The following AGXT2 variants were observed in gnomAD, a reference collection of about 807,000 sequenced individuals.
AGXT2 encodes alanine--glyoxylate aminotransferase 2, mitochondrial.
In AGXT2, 61 loss-of-function variants were observed where a neutral mutation model predicts 62.5. The ratio of observed to expected loss-of-function variants is 0.98; its 90% CI spans 0.79 to 1.21. The LOEUF is 1.21. Ranked by LOEUF, AGXT2 falls within the 50% of genes most tolerant of loss-of-function variation. The probability of loss-of-function intolerance (pLI) is 0.00; values close to 1 mark genes in which losing one functional copy is unlikely to be tolerated. For synonymous variants in AGXT2, 243 were observed against 218.7 expected, an observed-to-expected ratio of 1.11 and a Z score of -0.98; for missense variants, 666 against 641.5, an observed-to-expected ratio of 1.04 and a Z score of -0.41.
chr5:35,012,770 C>A (rs1292400104), intron 11 of AGXT2, 184 bp downstream of exon 11: 1 of 650,610 alleles, frequency 1.5e-6, no homozygotes, highest in African/African-American at 1.8e-5. Flanking sequence ...ACTTTCAGCA[C>A]CCAAAGTAGG....
chr5:35,042,724 G>A (rs1206907283), intron 1 of AGXT2, among the ~76,000 whole-genome samples: 5 of 146,302 alleles, frequency 3.4e-5, no homozygotes, highest in Admixed American at 6.9e-5. Flanking sequence ...GTGTATATAT[G>A]CATATGCATA....
chr5:35,029,997 A>G (rs1325026470), intron 7 of AGXT2, among the ~76,000 whole-genome samples: 3 of 152,190 alleles, frequency 2.0e-5, no homozygotes, highest in Non-Finnish European at 2.9e-5. Flanking sequence ...TATTCCTATC[A>G]ATAGGTTAAG....
rs766316919 is a variant in AGXT2, at chr5:35,010,120, G to GT, written c.1217dup (p.Asn406LysfsTer15). The GT allele has an allele frequency of 1.2e-5, 19 of 1,614,164 alleles. No individual in the cohort carries two copies. The African/African-American group carries it at 2.5e-4, about 22-fold the overall frequency. ...ACATGTAGGTCCCAACTTCTTGACT[G>GT]TTTTCCTGTAGATTTTCTTCTTTAA... On this transcript the variant is annotated frameshift_variant, in exon 12 of 14. Transcript: ENST00000231420. LOFTEE classifies it high-confidence loss of function.
chr5:35,001,136 C>G (rs565115909), intron 13 of AGXT2, among the ~76,000 whole-genome samples: 49 of 152,228 alleles, frequency 3.2e-4, no homozygotes, highest in African/African-American at 1.1e-3. Context: ...TTAAAATATT[C>G]TCAATTTAGG....
At chr5:35,040,084 G>GGAGAAAGAAAGAGA (rs1465611479) in intron 2 of AGXT2, among the ~76,000 whole-genome samples, 8 of 150,246 alleles carry the variant, frequency 5.3e-5, no homozygotes, top group African/African-American at 2.0e-4. Context: ...AGAGAGAGAG[G>GGAGAAAGAAAGAGA]GAGAAAGAAA....
At chr5:35,027,783 T>C (rs1031728374) in intron 7 of AGXT2, among the ~76,000 whole-genome samples, 1 of 150,656 alleles carries the variant, frequency 6.6e-6, no homozygotes, top group Non-Finnish European at 1.5e-5. Flanking sequence ...CATTAGAGTC[T>C]AAGAGTCCTT....
In AGXT2 at chr5:35,010,126, C is replaced by T; in HGVS notation, c.1212G>A (p.Gln404=). 2 of 1,614,178 alleles carry T rather than the reference C, an allele frequency of 1.2e-6. No individual in the cohort carries two copies. The highest frequency in any genetic ancestry group is 2.2e-5 in the South Asian group (2 of 91,082). ...VLEVIKEENL[Q]ENSQEVGTYM... ...AGGTCCCAACTTCTTGACTGTTTTC[C>T]TGTAGATTTTCTTCTTTAATCACCT... The change falls in exon 12 of 14, where the codon CAG becomes CAA. Residue 404 remains glutamine (Q), a synonymous_variant. Coordinates refer to ENST00000231420, the MANE Select transcript of AGXT2 (RefSeq NM_031900.4).
chr5:35,017,237 G>A (rs1766876316), intron 9 of AGXT2, among the ~76,000 whole-genome samples: 2 of 152,070 alleles, frequency 1.3e-5, no homozygotes, highest in African/African-American at 2.4e-5. Context: ...GTGGTTTTGG[G>A]AGCCTGAGTT....
chr5:35,047,023 C>A (rs1417707194), intron 1 of AGXT2, among the ~76,000 whole-genome samples: 1 of 152,136 alleles, frequency 6.6e-6, no homozygotes, highest in African/African-American at 2.4e-5. Flanking sequence ...TGGGGAGGGC[C>A]TGGGGTCAAG....
At chr5:35,038,685 G>A (rs1767871506) in intron 3 of AGXT2, among the ~76,000 whole-genome samples, 1 of 152,176 alleles carries the variant, frequency 6.6e-6, no homozygotes, top group African/African-American at 2.4e-5. Context: ...CTAACTTAGT[G>A]TGAGGTTGCA....
At chr5:35,013,198 T>C (rs1187491982) in intron 10 of AGXT2, among the ~76,000 whole-genome samples, 153 bp from the exon 11 acceptor site, 1 of 152,218 alleles carries the variant, frequency 6.6e-6, no homozygotes, top group Non-Finnish European at 1.5e-5. Context: ...AGGGACTGAA[T>C]TGTATCGCCT....
At chr5:35,029,389 C>T (rs1413037075) in intron 7 of AGXT2, among the ~76,000 whole-genome samples, 2 of 152,238 alleles carry the variant, frequency 1.3e-5, no homozygotes, top group South Asian at 2.1e-4. Context: ...TTGCCTGAAC[C>T]TATGCTAGAC....
At chr5:35,044,863 C>A (rs755141895) in intron 1 of AGXT2, among the ~76,000 whole-genome samples, 1 of 152,146 alleles carries the variant, frequency 6.6e-6, no homozygotes, top group Non-Finnish European at 1.5e-5. Flanking sequence ...GGCAAGGCTG[C>A]CTGGAGGGGT....
At position 35,047,934 on chromosome 5, in the gene AGXT2, A is replaced by G; in HGVS notation, c.-42T>C. On this transcript the variant is annotated 5_prime_UTR_variant, in exon 1 of 14. Transcript: ENST00000231420. The stretch of plus-strand genomic sequence containing the variant: ...GCCAACCCCCATGGAAGCAGATTGG[A>G]GGCCGGGCTCTAACTGCTCACTATC... 1 of 1,613,048 alleles carries G rather than the reference A, an allele frequency of 6.2e-7. No individual in the cohort carries two copies. Among genetic ancestry groups the G allele is most frequent in the Non-Finnish European group, 8.5e-7 (1 of 1,179,490 alleles).
intron 3 of AGXT2, among the ~76,000 whole-genome samples, 195 bp from the exon 4 acceptor site, chr5:35,037,260 A>C (rs2112277960): frequency 1.3e-5 from 2 of 152,326 alleles, no homozygotes; most frequent in South Asian, 4.1e-4. Flanking sequence ...AAGGTAATGA[A>C]TTCCTCTCCA....
intron 9 of AGXT2, among the ~76,000 whole-genome samples, chr5:35,018,171 T>C (rs1326197528): frequency 6.6e-6 from 1 of 152,174 alleles, no homozygotes; most frequent in African/African-American, 2.4e-5. Flanking sequence ...CCAGGAGAAC[T>C]TCCCCAATCT....
intron 9 of AGXT2, among the ~76,000 whole-genome samples, chr5:35,017,524 T>C (rs1209555617): frequency 2.0e-5 from 3 of 152,220 alleles, no homozygotes; most frequent in Non-Finnish European, 4.4e-5. Flanking sequence ...CCCTTTTTGC[T>C]TGACTCTCAT....
intron 1 of AGXT2, among the ~76,000 whole-genome samples, chr5:35,046,610 T>G (rs1299417174): frequency 6.6e-6 from 1 of 152,180 alleles, no homozygotes; most frequent in East Asian, 1.9e-4. Flanking sequence ...CAAGTTTGGT[T>G]GAAGATAAAA....
chr5:35,042,087 C>T (rs1768011199), intron 1 of AGXT2, among the ~76,000 whole-genome samples: 1 of 152,146 alleles, frequency 6.6e-6, no homozygotes, highest in African/African-American at 2.4e-5. Context: ...TTTCTTCAGT[C>T]TCATTTTTCT....
Sources: allele counts gnomAD v4.1 joint callset (sites outside exome capture counted in the v4.1 genomes callset), GRCh38; gene constraint gnomAD v4.1.1; transcripts MANE v1.5; gene names NCBI Gene and HGNC (gene_info 2026-07-23, HGNC 2026-07-21).